The following COL11A1 variants were observed in gnomAD, a reference collection of about 807,000 sequenced individuals.
The protein encoded by COL11A1 is collagen alpha-1(XI) chain.
COL11A1 carries 74 observed loss-of-function variants against 265.2 expected under a neutral mutation model. The observed-to-expected ratio is 0.28, with a 90% CI of 0.23 to 0.34. COL11A1 has a LOEUF of 0.34. Among genes scored for constraint, COL11A1 ranks in the 10% least tolerant of loss-of-function variants. The pLI, the probability that COL11A1 is intolerant of heterozygous loss-of-function variation, is 1.00. For synonymous variants in COL11A1, 816 were observed against 727.6 expected (o/e 1.12, Z -1.96); for missense variants, 2,165 against 2,263.6 (o/e 0.96, Z 0.88).
chr1:102,940,424 C>G lies in COL11A1; in HGVS notation c.3287G>C (p.Gly1096Ala), dbSNP rs772562171. 5 of 1,612,882 alleles carry G rather than the reference C, an allele frequency of 3.1e-6. No individual in the cohort carries two copies. In the Admixed American group the frequency reaches 8.3e-5, roughly 27 times the overall value. The change falls in exon 43 of 67, where the codon GGT becomes GCT. Residue 1096 changes from glycine to alanine, a missense_variant. Physicochemically the swap from Gly to Ala is moderately conservative, Grantham distance 60. Transcript: ENST00000370096. ...AGEKGAPGEKGPQGPAGRDGV... is the reference protein window; with the variant it reads ...AGEKGAPGEKAPQGPAGRDGV... Reference sequence around the variant, plus strand: ...ATCTCTCCCTGCAGGCCCTTGGGGACCTTTTTCTCCCTGTATTGAATATCC... The same window carrying G: ...ATCTCTCCCTGCAGGCCCTTGGGGAGCTTTTTCTCCCTGTATTGAATATCC...
In COL11A1 at chr1:102,962,063, AAT is replaced by A. The variant is rs376777597; in HGVS notation, c.3114+111_3114+112del. On this transcript the variant is annotated intron_variant, in intron 40 of 66. Coordinates refer to ENST00000370096, the MANE Select transcript of COL11A1 (RefSeq NM_001854.4). Reference sequence around the variant, plus strand: ...ATACACATATATGTAATGATAATCAAATATATATGTTTATATATCTTCCCTTA... The same window carrying A: ...ATACACATATATGTAATGATAATCAAATATATGTTTATATATCTTCCCTTA... The A allele has an allele frequency of 1.1e-4, 113 of 1,050,548 alleles. 2 individuals carry two copies. The South Asian group carries it at 1.5e-3, about 14-fold the overall frequency. 65.1% of individuals were successfully genotyped at this position (1,050,548 alleles called of 1,614,324 possible). A position where few individuals can be genotyped will look rare whatever the true frequency, so the allele number is the denominator to read the frequency against.
At chr1:102,939,335 G>A (rs923648129) in intron 43 of COL11A1, among the ~76,000 whole-genome samples, 2 of 152,042 alleles carry the variant, frequency 1.3e-5, no homozygotes, top group Non-Finnish European at 2.9e-5. Flanking sequence ...AATCAATTTT[G>A]TCTCAAATAT....
chr1:102,929,073 T>C (rs1032387961), intron 46 of COL11A1, among the ~76,000 whole-genome samples: 2 of 146,974 alleles, frequency 1.4e-5, no homozygotes, highest in Admixed American at 1.4e-4. Context: ...TTTATTTTGC[T>C]GTGCAGAAGC....
chr1:102,946,737 A>G, intron 42 of COL11A1, 112 bp downstream of exon 42: 1 of 839,972 alleles, frequency 1.2e-6, no homozygotes, highest in South Asian at 1.5e-5. Context: ...TACATGCCAG[A>G]CACATATGCA....
In COL11A1 at chr1:102,898,696, T is replaced by C. The variant is rs1212475604; in HGVS notation, c.4218A>G (p.Pro1406=). 6 of 1,612,908 alleles carry C rather than the reference T, an allele frequency of 3.7e-6. No homozygotes were observed. The highest frequency in any genetic ancestry group is 1.7e-5 in the Admixed American group (1 of 59,978). ...GACCAGGGATGCCCCGAAGACCTTC[T>C]GGACCAGGCTTTCCTGCAGGTCCCT... is the stretch of plus-strand genomic sequence containing the variant. The part of the protein sequence containing the change: ...GPQGPAGKPG[P]EGLRGIPGPV... The change falls in exon 56 of 67, where the codon CCA becomes CCG. Residue 1406 remains proline, a synonymous_variant. Transcript: ENST00000370096.
At chr1:102,993,635 T>G (rs1198519945) in intron 28 of COL11A1, among the ~76,000 whole-genome samples, 1 of 152,058 alleles carries the variant, frequency 6.6e-6, no homozygotes, top group East Asian at 1.9e-4. Flanking sequence ...CCTCCTGAGC[T>G]CAAGCAACTC....
At chr1:102,913,152 C>G (rs1330284668) in intron 53 of COL11A1, among the ~76,000 whole-genome samples, 3 of 152,078 alleles carry the variant, frequency 2.0e-5, no homozygotes, top group Admixed American at 6.5e-5. Context: ...AGTTCCCTCC[C>G]TTACTTTCTC....
intron 37 of COL11A1, among the ~76,000 whole-genome samples, chr1:102,969,757 G>A (rs752480308): frequency 6.2e-4 from 94 of 152,224 alleles, no homozygotes; most frequent in Non-Finnish European, 1.1e-3. Flanking sequence ...AGTTATAGCC[G>A]ATGGGTCCAA....
intron 24 of COL11A1, chr1:103,001,694 T>A: frequency 1.7e-6 from 1 of 572,308 alleles, no homozygotes; most frequent in Non-Finnish European, 3.2e-6. Context: ...TAGCTGAGAA[T>A]GCCACATTTG....
At chr1:102,928,921 T>C (rs79274140) in intron 46 of COL11A1, among the ~76,000 whole-genome samples, 13,751 of 35,258 alleles carry the variant, frequency 0.39, 4,125 homozygotes, top group East Asian at 0.81. Context: ...TCATGTCCTT[T>C]GCCCACTTTT....
intron 2 of COL11A1, among the ~76,000 whole-genome samples, chr1:103,080,082 A>C (rs1672283804): frequency 6.6e-6 from 1 of 151,914 alleles, no homozygotes; most frequent in Non-Finnish European, 1.5e-5. Flanking sequence ...TAAAATACAA[A>C]TATGTATGGT....
intron 5 of COL11A1, among the ~76,000 whole-genome samples, chr1:103,026,983 G>A (rs1032673160): frequency 1.3e-5 from 2 of 151,758 alleles, no homozygotes; most frequent in Non-Finnish European, 2.9e-5. Flanking sequence ...ATCCTTGTGA[G>A]ACATTAAAAG....
At chr1:102,991,329 C>T (rs979153083) in intron 28 of COL11A1, among the ~76,000 whole-genome samples, 8 of 152,104 alleles carry the variant, frequency 5.3e-5, no homozygotes, top group Non-Finnish European at 7.4e-5. Flanking sequence ...TTCCACATCT[C>T]GCTGCCAAAA....
intron 5 of COL11A1, among the ~76,000 whole-genome samples, chr1:103,028,269 G>A (rs907529212): frequency 6.6e-6 from 1 of 152,014 alleles, no homozygotes; most frequent in Non-Finnish European, 1.5e-5. Flanking sequence ...CCTGACCTCA[G>A]GTGATCCGCC....
At position 102,883,097 on chromosome 1, in the gene COL11A1, A is replaced by T. The variant is rs74108030; in HGVS notation, c.4971+102T>A. 4,974 of 802,902 alleles carry T rather than the reference A, an allele frequency of 6.2e-3. 152 individuals are homozygous for T. The African/African-American group carries it at 0.073, about 12-fold the overall frequency. 49.7% of individuals were successfully genotyped at this position (802,902 alleles called of 1,614,324 possible). ...ACTCTAATTATTTTGTAAGAAAAGC[A>T]GATAAATGAAAATATGACAGTATAA... On this transcript the variant is annotated intron_variant, in intron 64 of 66. Transcript: ENST00000370096.
intron 54 of COL11A1, among the ~76,000 whole-genome samples, chr1:102,911,020 C>G (rs868150774): frequency 4.6e-5 from 7 of 152,244 alleles, no homozygotes; most frequent in African/African-American, 9.6e-5. Flanking sequence ...GCTGGACTTA[C>G]AGCAGAAAGA....
At position 102,934,361 on chromosome 1, in the gene COL11A1, G is replaced by GA. The variant is rs113900968; in HGVS notation, c.3600+87dup. On this transcript the variant is annotated intron_variant, in intron 46 of 66. Coordinates refer to ENST00000370096, the MANE Select transcript of COL11A1 (RefSeq NM_001854.4). Reference sequence around the variant, plus strand: ...ACCCAAGTTCTTACGTAGAAAAAAAGAAAAAAATACTTTGTTTTACATCCA... The same window carrying GA: ...ACCCAAGTTCTTACGTAGAAAAAAAGAAAAAAAATACTTTGTTTTACATCCA... The GA allele has an allele frequency of 7.6e-3, 7,326 of 965,820 alleles. 369 individuals carry two copies. In the African/African-American group the frequency reaches 0.11, roughly 14 times the overall value. The allele number at this position is 965,820 out of a possible 1,614,324, so 59.8% of individuals were successfully genotyped here.
At chr1:103,093,574 A>G (rs1673499031) in intron 1 of COL11A1, among the ~76,000 whole-genome samples, 1 of 152,202 alleles carries the variant, frequency 6.6e-6, no homozygotes, top group African/African-American at 2.4e-5. Flanking sequence ...TTATCTATAA[A>G]GTTGCTAACC....
intron 4 of COL11A1, among the ~76,000 whole-genome samples, chr1:103,064,081 C>T (rs76751471): frequency 0.035 from 5,269 of 152,192 alleles, 330 homozygotes; most frequent in African/African-American, 0.12. Flanking sequence ...CCTGGAAAAG[C>T]TGTGAAGCAA....
Sources: gnomAD v4.1 joint callset for allele counts (sites outside exome capture counted in the v4.1 genomes callset) on GRCh38, gnomAD v4.1.1 for gene constraint, MANE v1.5 for transcripts, NCBI Gene and HGNC (gene_info 2026-07-23, HGNC 2026-07-21) for gene names.